GMDS: variants seen among roughly 807,000 people sequenced by gnomAD.
GMDS encodes GDP-mannose 4,6 dehydratase.
Under a neutral mutation model 49.9 loss-of-function variants are expected in GMDS, and 20 were observed. The ratio of observed to expected loss-of-function variants is 0.40; its 90% confidence interval spans 0.28 to 0.58. GMDS has a LOEUF of 0.58. Among genes scored for constraint, GMDS ranks in the 20% least tolerant of loss-of-function variants. The probability of loss-of-function intolerance (pLI) is 0.42; values close to 1 mark genes in which losing one functional copy is unlikely to be tolerated. For missense variants in GMDS, 362 were observed against 481.4 expected (o/e 0.75, Z 2.32); for synonymous variants, 177 against 178.6 (o/e 0.99, Z 0.07).
intron 4 of GMDS, among the ~76,000 whole-genome samples, chr6:1,999,122 G>A (rs1223135274): frequency 6.6e-6 from 1 of 152,034 alleles, no homozygotes; most frequent in African/African-American, 2.4e-5. Context: ...AGGAAATCGA[G>A]ACCAGCCTGG....
At chr6:2,061,107 C>T (rs753147899) in intron 4 of GMDS, among the ~76,000 whole-genome samples, 1 of 152,062 alleles carries the variant, frequency 6.6e-6, no homozygotes, top group South Asian at 2.1e-4. Context: ...GAGGCAGGAG[C>T]ACGGTTGCTG....
At chr6:1,754,510 T>A (rs1767865061) in intron 7 of GMDS, among the ~76,000 whole-genome samples, 1 of 152,260 alleles carries the variant, frequency 6.6e-6, no homozygotes, top group South Asian at 2.1e-4. Flanking sequence ...AAAGAAGGAA[T>A]CCTCCTTAAC....
intron 1 of GMDS, among the ~76,000 whole-genome samples, chr6:2,159,045 A>AT (rs2127543624): frequency 6.6e-6 from 1 of 152,338 alleles, no homozygotes; most frequent in Admixed American, 6.5e-5. Flanking sequence ...TATGTACTGA[A>AT]TTTTTCCTCA....
At chr6:2,179,132 A>G (rs1778410465) in intron 1 of GMDS, among the ~76,000 whole-genome samples, 1 of 152,238 alleles carries the variant, frequency 6.6e-6, no homozygotes, top group South Asian at 2.1e-4. Context: ...TAAACACAGT[A>G]AAACGTTATA....
intron 8 of GMDS, among the ~76,000 whole-genome samples, chr6:1,741,811 C>CAAAAAAA (rs758949708): frequency 4.3e-5 from 1 of 23,042 alleles, no homozygotes. Context: ...GACTCTGTCT[C>CAAAAAAA]AAAAAAAAAA....
At chr6:2,063,393 A>G (rs1214345708) in intron 4 of GMDS, among the ~76,000 whole-genome samples, 1 of 152,244 alleles carries the variant, frequency 6.6e-6, no homozygotes, top group East Asian at 1.9e-4. Flanking sequence ...ATACATGTCA[A>G]GACATTCTGT....
At chr6:2,091,713 C>T (rs1364830127) in intron 4 of GMDS, among the ~76,000 whole-genome samples, 1 of 152,120 alleles carries the variant, frequency 6.6e-6, no homozygotes, top group African/African-American at 2.4e-5. Flanking sequence ...AATTCACAAC[C>T]AGCCTGGACA....
At chr6:1,685,985 T>C (rs944562925) in intron 9 of GMDS, among the ~76,000 whole-genome samples, 1 of 152,204 alleles carries the variant, frequency 6.6e-6, no homozygotes, top group Non-Finnish European at 1.5e-5. Context: ...TTCTGGGTGA[T>C]CATGCCATAA....
intron 4 of GMDS, among the ~76,000 whole-genome samples, chr6:2,104,342 T>C (rs1774098465): frequency 6.6e-6 from 1 of 152,242 alleles, no homozygotes; most frequent in African/African-American, 2.4e-5. Flanking sequence ...TCTTGTGTTA[T>C]CAATAGTAGC....
At chr6:1,894,951 A>C (rs1391366554) in intron 7 of GMDS, among the ~76,000 whole-genome samples, 1 of 152,232 alleles carries the variant, frequency 6.6e-6, no homozygotes, top group Non-Finnish European at 1.5e-5. Context: ...AATTCCAGAC[A>C]AAAGATGTTC....
At chr6:1,884,080 G>A (rs1377265817) in intron 7 of GMDS, among the ~76,000 whole-genome samples, 1 of 152,126 alleles carries the variant, frequency 6.6e-6, no homozygotes, top group Non-Finnish European at 1.5e-5. Context: ...TAAGGAAAAG[G>A]AGCCACAATT....
chr6:2,059,707 C>CTAAAAAA (rs1771019169), intron 4 of GMDS, among the ~76,000 whole-genome samples: 1 of 17,766 alleles, frequency 5.6e-5, no homozygotes, highest in Non-Finnish European at 1.0e-4. Context: ...GACTCCGTCT[C>CTAAAAAA]AAAAAAAAAA....
chr6:1,962,385 T>C (rs1764002253), intron 4 of GMDS, among the ~76,000 whole-genome samples: 1 of 152,226 alleles, frequency 6.6e-6, no homozygotes, highest in South Asian at 2.1e-4. Flanking sequence ...TCGCTTACCA[T>C]GTTTTCACTT....
At chr6:2,149,741 T>C (rs746891774) in intron 1 of GMDS, among the ~76,000 whole-genome samples, 6 of 152,180 alleles carry the variant, frequency 3.9e-5, no homozygotes, top group Non-Finnish European at 8.8e-5. Context: ...CGCCTCCAGC[T>C]TTCCCTTCTT....
At chr6:2,098,514 T>C (rs1773741255) in intron 4 of GMDS, among the ~76,000 whole-genome samples, 1 of 152,226 alleles carries the variant, frequency 6.6e-6, no homozygotes, top group Non-Finnish European at 1.5e-5. Flanking sequence ...AAACAAAATC[T>C]TAAATCCTTA....
intron 4 of GMDS, among the ~76,000 whole-genome samples, chr6:2,107,423 A>T (rs942977844): frequency 6.6e-6 from 1 of 152,224 alleles, no homozygotes; most frequent in African/African-American, 2.4e-5. Context: ...AAAGTCAAAC[A>T]TGCTCAACTT....
Position 1,710,158 on chromosome 6 carries a change from T to C in GMDS, c.987+16258A>G, listed in dbSNP as rs575453654. ...AATCACTGCTTGTCAACACTGCTCC[T>C]GCAGAGGAAGACTGTTTACCTCCAC... is the stretch of plus-strand genomic sequence containing the variant. On this transcript the variant is annotated intron_variant, in intron 9 of 10. Coordinates refer to ENST00000380815, the MANE Select transcript of GMDS (RefSeq NM_001500.4). Among the ~76,000 whole-genome samples the C allele has an allele frequency of 2.0e-5, 3 of 152,344 alleles. No individual in the cohort carries two copies. In the South Asian group the frequency reaches 6.2e-4, roughly 32 times the overall value.
intron 4 of GMDS, among the ~76,000 whole-genome samples, chr6:1,974,888 AT>A (rs1171492586): frequency 1.6e-4 from 24 of 151,000 alleles, no homozygotes; most frequent in African/African-American, 5.9e-4. Context: ...AGAAAAAAAA[AT>A]TAGCCAGGCA....
chr6:1,699,517 T>C (rs1412056007), intron 9 of GMDS, among the ~76,000 whole-genome samples: 1 of 152,118 alleles, frequency 6.6e-6, no homozygotes, highest in African/African-American at 2.4e-5. Context: ...TGGCTGCCTC[T>C]AGAGGCTCCC....
Sources: allele counts gnomAD v4.1 joint callset (sites outside exome capture counted in the v4.1 genomes callset), GRCh38; gene constraint gnomAD v4.1.1; transcripts MANE v1.5; gene names NCBI Gene and HGNC (gene_info 2026-07-23, HGNC 2026-07-21).